The following SLC38A12 variants were observed in gnomAD, a reference collection of about 807,000 sequenced individuals.
SLC38A12 encodes the protein solute carrier family 38 member 12.
chr17:74,812,678 C>T, the SLC38A12 span, among the ~76,000 whole-genome samples: 165 of 152,282 alleles, frequency 1.1e-3, no homozygotes, highest in African/African-American at 3.8e-3. Context: ...AGCCCCCCTG[C>T]GCCCTCCTCA....
chr17:74,781,827 C>CT, the SLC38A12 span, among the ~76,000 whole-genome samples: 1 of 152,212 alleles, frequency 6.6e-6, no homozygotes, highest in African/African-American at 2.4e-5. Context: ...TCTTCGCAGT[C>CT]TGACTGCAGC....
the SLC38A12 span, among the ~76,000 whole-genome samples, chr17:74,781,757 T>G: frequency 2.6e-5 from 4 of 152,380 alleles, no homozygotes; most frequent in Admixed American, 2.6e-4. Flanking sequence ...GGGTCTGTTC[T>G]GTTAGTGCCC....
At chr17:74,812,795 A>G in the SLC38A12 span, among the ~76,000 whole-genome samples, 1 of 151,824 alleles carries the variant, frequency 6.6e-6, no homozygotes, top group Non-Finnish European at 1.5e-5. Context: ...TGCCTCTGTC[A>G]CCCCTGCTAC....
chr17:74,817,630 C>T, the SLC38A12 span, among the ~76,000 whole-genome samples: 1 of 152,054 alleles, frequency 6.6e-6, no homozygotes, highest in African/African-American at 2.4e-5. Flanking sequence ...CAGGGTTTTA[C>T]AGAATGGAGC....
the SLC38A12 span, among the ~76,000 whole-genome samples, chr17:74,822,472 G>A: frequency 3.3e-5 from 5 of 152,254 alleles, no homozygotes; most frequent in South Asian, 4.1e-4. Context: ...AGACCAGCTC[G>A]GGAAGGTCGA....
the SLC38A12 span, chr17:74,790,316 C>G: frequency 1.9e-6 from 3 of 1,606,174 alleles, no homozygotes; most frequent in African/African-American, 2.7e-5. Flanking sequence ...GGGGTTCTCG[C>G]GGGCCCGCAC....
At chr17:74,795,607 G>T in the SLC38A12 span, 1 of 1,614,032 alleles carries the variant, frequency 6.2e-7, no homozygotes. Context: ...CCCCTGCGCC[G>T]AGTGGACGCC....
At chr17:74,815,383 G>A in the SLC38A12 span, among the ~76,000 whole-genome samples, 2 of 152,142 alleles carry the variant, frequency 1.3e-5, no homozygotes, top group South Asian at 4.1e-4. Context: ...GGTGGGACCC[G>A]GAGACTGTAC....
chr17:74,787,142 A>G, the SLC38A12 span, among the ~76,000 whole-genome samples: 17 of 152,316 alleles, frequency 1.1e-4, 1 homozygote, highest in African/African-American at 3.8e-4. Flanking sequence ...GGCGATTGGA[A>G]TGGGGGTTTC....
At chr17:74,779,976 T>G in the SLC38A12 span, among the ~76,000 whole-genome samples, 1 of 152,202 alleles carries the variant, frequency 6.6e-6, no homozygotes, top group Non-Finnish European at 1.5e-5. Flanking sequence ...CATGTCCCCT[T>G]AAGGGATCTC....
chr17:74,819,881 C>G, the SLC38A12 span: 2 of 1,566,790 alleles, frequency 1.3e-6, no homozygotes, highest in Admixed American at 1.7e-5. Flanking sequence ...TGCGCTTTCT[C>G]CTCTCGTCCC....
chr17:74,837,556 A>T, the SLC38A12 span: 5 of 985,380 alleles, frequency 5.1e-6, no homozygotes, highest in Non-Finnish European at 6.0e-6. Context: ...TGGCAGTGGG[A>T]GGGCTCTGAG....
At chr17:74,816,814 T>C in the SLC38A12 span, among the ~76,000 whole-genome samples, 1 of 151,958 alleles carries the variant, frequency 6.6e-6, no homozygotes, top group South Asian at 2.1e-4. Flanking sequence ...GGTTGGAAAA[T>C]TGCTCAGGAG....
chr17:74,788,794 T>C, the SLC38A12 span: 62 of 1,613,050 alleles, frequency 3.8e-5, no homozygotes, highest in Admixed American at 5.0e-5. Flanking sequence ...CTCAGCTTCG[T>C]GACCACCACC....
chr17:74,817,028 C>A, the SLC38A12 span, among the ~76,000 whole-genome samples: 3 of 132,876 alleles, frequency 2.3e-5, no homozygotes, highest in Non-Finnish European at 4.8e-5. Flanking sequence ...CCCGTCCCTC[C>A]CCAAGACCTC....
chr17:74,778,244 G>C, the SLC38A12 span, among the ~76,000 whole-genome samples: 4 of 152,204 alleles, frequency 2.6e-5, no homozygotes, highest in East Asian at 5.8e-4. Flanking sequence ...TGTAACGTAT[G>C]ATTGGTCATA....
the SLC38A12 span, chr17:74,837,085 C>T: frequency 3.0e-6 from 3 of 1,005,040 alleles, no homozygotes; most frequent in Middle Eastern, 4.9e-4. Context: ...TGCCCCTCCC[C>T]TCTCCTGCCC....
the SLC38A12 span, among the ~76,000 whole-genome samples, chr17:74,796,934 A>G: frequency 6.6e-6 from 1 of 152,192 alleles, no homozygotes; most frequent in East Asian, 1.9e-4. Flanking sequence ...AGTAAGGGAA[A>G]GGGCCCATCT....
the SLC38A12 span, among the ~76,000 whole-genome samples, chr17:74,811,275 A>G: frequency 6.6e-6 from 1 of 152,112 alleles, no homozygotes; most frequent in Non-Finnish European, 1.5e-5. Flanking sequence ...GGCTGCAGTG[A>G]ATCATGATCA....
Sources: gnomAD v4.1 joint callset for allele counts (sites outside exome capture counted in the v4.1 genomes callset) on GRCh38, gnomAD v4.1.1 for gene constraint, MANE v1.5 for transcripts, NCBI Gene and HGNC (gene_info 2026-07-23, HGNC 2026-07-21) for gene names.